Variants in RHPN2 observed in about 807,000 individuals in gnomAD.
RHPN2 encodes the protein rhophilin-2.
RHPN2 carries 40 observed loss-of-function variants against 79.0 expected under a neutral mutation model. That is an observed-to-expected ratio of 0.51 (90% CI 0.39 to 0.66). The LOEUF (loss-of-function observed/expected upper bound fraction) is 0.66, where lower values mean the gene tolerates loss of function less well. Ranked by LOEUF, RHPN2 falls within the 30% of genes least tolerant of loss-of-function variation. RHPN2 has a pLI of 0.00. For missense variants in RHPN2, 686 were observed against 883.5 expected (o/e 0.78, Z 2.83); for synonymous variants, 285 against 363.5 (o/e 0.78, Z 2.46).
chr19:33,053,855 C>T (rs1252412510), intron 1 of RHPN2, among the ~76,000 whole-genome samples: 1 of 151,616 alleles, frequency 6.6e-6, no homozygotes, highest in East Asian at 2.0e-4. Flanking sequence ...GTGTGAGCCA[C>T]CGCGCCCAGT....
chr19:33,009,272 T>G (rs2145236462), intron 6 of RHPN2, among the ~76,000 whole-genome samples: 1 of 150,816 alleles, frequency 6.6e-6, no homozygotes, highest in African/African-American at 2.4e-5. Context: ...GATAATGATG[T>G]GTCAGGTAAG....
chr19:33,045,097 G>C (rs1972131826), intron 1 of RHPN2, among the ~76,000 whole-genome samples: 1 of 148,528 alleles, frequency 6.7e-6, no homozygotes, highest in Admixed American at 7.0e-5. Flanking sequence ...GCGTGCCTAG[G>C]ATGCAGTGCA....
At chr19:32,993,140 T>A (rs1469432849) in intron 12 of RHPN2, among the ~76,000 whole-genome samples, 9 of 151,644 alleles carry the variant, frequency 5.9e-5, no homozygotes, top group African/African-American at 1.5e-4. Flanking sequence ...AAAATATTTT[T>A]AAAAAATTTT....
chr19:33,037,370 A>G (rs1051025787), intron 2 of RHPN2, among the ~76,000 whole-genome samples: 2 of 152,156 alleles, frequency 1.3e-5, no homozygotes, highest in Non-Finnish European at 2.9e-5. Flanking sequence ...GGCTCTACCA[A>G]TCAGCAGGAT....
rs1354361757 is a variant in RHPN2, at chr19:33,002,268, T to C, written c.1084A>G (p.Ile362Val). The C allele has an allele frequency of 1.2e-6, 2 of 1,613,394 alleles. No homozygotes were observed. Among genetic ancestry groups the C allele is most frequent in the Middle Eastern group, 1.8e-4 (1 of 5,590 alleles). Residue 362 changes from isoleucine (I) to valine (V), a missense_variant, in exon 9 of 15, where the codon ATC becomes GTC. Coordinates refer to ENST00000254260, the MANE Select transcript of RHPN2 (RefSeq NM_033103.5). ...TTACCCTGGTGGTCGATGAGGAGGA[T>C]GGCAGTGAAGTAGTGGGCCAGGGCC... is the stretch of plus-strand genomic sequence containing the variant. ...YAALAHYFTA[I>V]LLIDHQVKPG...
intron 14 of RHPN2, among the ~76,000 whole-genome samples, chr19:32,983,372 C>T (rs1257919058): frequency 2.0e-5 from 3 of 151,798 alleles, no homozygotes; most frequent in African/African-American, 7.3e-5. Flanking sequence ...ATTAGCCGGG[C>T]GTGGTGGCGG....
intron 11 of RHPN2, 61 bp downstream of exon 11, chr19:32,995,965 A>G: frequency 6.5e-7 from 1 of 1,547,362 alleles, no homozygotes; most frequent in East Asian, 2.2e-5. Context: ...CCCACAGGCC[A>G]GGCGTACTCT....
intron 2 of RHPN2, among the ~76,000 whole-genome samples, chr19:33,040,038 C>T (rs1045096887): frequency 2.6e-5 from 4 of 152,006 alleles, no homozygotes; most frequent in Non-Finnish European, 5.9e-5. Context: ...TCTCACAGCA[C>T]AGAATCCAGC....
At chr19:33,019,471 C>T (rs942263059) in intron 4 of RHPN2, among the ~76,000 whole-genome samples, 21 of 152,048 alleles carry the variant, frequency 1.4e-4, no homozygotes, top group African/African-American at 4.6e-4. Context: ...CCCAGCTACT[C>T]GTAAGGCTGA....
chr19:33,016,281 A>G (rs868090744), intron 4 of RHPN2, among the ~76,000 whole-genome samples: 3 of 151,896 alleles, frequency 2.0e-5, no homozygotes, highest in Non-Finnish European at 4.4e-5. Context: ...GCTCAATCAT[A>G]GCTGACTGCA....
intron 2 of RHPN2, among the ~76,000 whole-genome samples, chr19:33,041,635 T>C (rs1972101090): frequency 6.6e-6 from 1 of 152,176 alleles, no homozygotes; most frequent in Non-Finnish European, 1.5e-5. Context: ...AAAACTGCCC[T>C]AGTTCCTGCC....
intron 1 of RHPN2, among the ~76,000 whole-genome samples, chr19:33,062,767 C>CACA (rs1031759863): frequency 1.9e-4 from 27 of 143,666 alleles, no homozygotes; most frequent in Admixed American, 3.6e-4. Context: ...GACTCTGTTT[C>CACA]ATAATAATAA....
chr19:33,049,767 C>A (rs1056465395), intron 1 of RHPN2, among the ~76,000 whole-genome samples: 1 of 152,126 alleles, frequency 6.6e-6, no homozygotes, highest in Non-Finnish European at 1.5e-5. Context: ...ATCTCGGATC[C>A]CATGGTTCTG....
intron 3 of RHPN2, among the ~76,000 whole-genome samples, chr19:33,025,311 TAAAA>T (rs201499801): frequency 7.6e-6 from 1 of 130,860 alleles, no homozygotes; most frequent in Non-Finnish European, 1.6e-5. Flanking sequence ...TGTCTCTACT[TAAAA>T]AAAAAAAAAA....
At chr19:33,009,318 C>T (rs550157631) in intron 6 of RHPN2, among the ~76,000 whole-genome samples, 3 of 151,996 alleles carry the variant, frequency 2.0e-5, no homozygotes, top group Middle Eastern at 3.4e-3. Flanking sequence ...GGGCTGGGAG[C>T]GGTGGCTCAT....
At chr19:33,018,567 T>G (rs1479627749) in intron 4 of RHPN2, among the ~76,000 whole-genome samples, 2 of 152,136 alleles carry the variant, frequency 1.3e-5, no homozygotes, top group Non-Finnish European at 2.9e-5. Flanking sequence ...ATACAAACTT[T>G]CCAGTAAACT....
chr19:33,005,903 T>C (rs1292125628), intron 7 of RHPN2, among the ~76,000 whole-genome samples: 1 of 152,134 alleles, frequency 6.6e-6, no homozygotes, highest in Non-Finnish European at 1.5e-5. Context: ...AATTAATTAA[T>C]TATTTTTTGG....
intron 4 of RHPN2, among the ~76,000 whole-genome samples, chr19:33,020,042 C>G (rs1971910885): frequency 6.6e-6 from 1 of 152,104 alleles, no homozygotes; most frequent in Non-Finnish European, 1.5e-5. Flanking sequence ...CCTGTGTTCT[C>G]CACTGAAGCA....
At chr19:32,982,295 C>T (rs1971581026) in intron 14 of RHPN2, among the ~76,000 whole-genome samples, 1 of 152,084 alleles carries the variant, frequency 6.6e-6, no homozygotes, top group Non-Finnish European at 1.5e-5. Flanking sequence ...GTAATCCCAG[C>T]TACTCAGGAG....
Sources: allele counts gnomAD v4.1 joint callset (sites outside exome capture counted in the v4.1 genomes callset), GRCh38; gene constraint gnomAD v4.1.1; transcripts MANE v1.5; gene names NCBI Gene and HGNC (gene_info 2026-07-23, HGNC 2026-07-21).